The following ABCA4 variants were observed in gnomAD, a reference collection of about 807,000 sequenced individuals.
ABCA4 encodes the protein ATP binding cassette subfamily A member 4, also known as retinal-specific phospholipid-transporting ATPase ABCA4.
Under a neutral mutation model 263.7 loss-of-function variants are expected in ABCA4, and 196 were observed. The ratio of observed to expected loss-of-function variants is 0.74; its 90% CI spans 0.66 to 0.84. The LOEUF (loss-of-function observed/expected upper bound fraction) is 0.84. ABCA4 is among the 40% of genes least tolerant of loss of function. ABCA4 has a pLI of 0.00. For synonymous variants in ABCA4, 1,133 were observed against 1,094.2 expected, an observed-to-expected ratio of 1.04 and a Z score of -0.70; for missense variants, 2,792 against 2,855.1, an observed-to-expected ratio of 0.98 and a Z score of 0.50.
Position 93,997,931 on chromosome 1 carries a change from T to C in ABCA4, c.6659A>G (p.Gln2220Arg), listed in dbSNP as rs1403697239. 6.2e-7 allele frequency: 1 copy of C among 1,614,030 alleles called. No individual in the cohort carries two copies. The highest frequency in any genetic ancestry group is 1.7e-4 in the Middle Eastern group (1 of 6,060). The change falls in exon 48 of 50, where the codon CAG (glutamine) becomes CGG (arginine). Residue 2220 changes from glutamine to arginine, a missense_variant. Transcript: ENST00000370225. The stretch of plus-strand genomic sequence containing the variant: ...GCTGTCCTTGTGGGAGAGGAGGAGC[T>C]GGAAGATCCTCGCCAGGGAGGAGGA... ...VSSSSLARIF[Q>R]LLLSHKDSLL...
intron 11 of ABCA4, among the ~76,000 whole-genome samples, chr1:94,066,367 TC>T (rs1354316179): frequency 6.6e-6 from 1 of 152,268 alleles, no homozygotes; most frequent in African/African-American, 2.4e-5. Context: ...AGTCAAATAA[TC>T]TTTTTTTATT....
chr1:94,071,454 T>C (rs1661396968), intron 11 of ABCA4, among the ~76,000 whole-genome samples: 1 of 152,228 alleles, frequency 6.6e-6, no homozygotes, highest in African/African-American at 2.4e-5. Context: ...CCTATTAATG[T>C]GGGCTGCATA....
intron 6 of ABCA4, among the ~76,000 whole-genome samples, chr1:94,088,217 T>C (rs1012460364): frequency 2.6e-4 from 39 of 152,206 alleles, no homozygotes; most frequent in African/African-American, 8.2e-4. Flanking sequence ...TTTCTCAACA[T>C]TTTGATCATG....
Position 94,037,231 on chromosome 1 carries a change from A to G in ABCA4, c.3727T>C (p.Tyr1243His), listed in dbSNP as rs1036812400. 2.5e-6 allele frequency: 4 copies of G among 1,614,112 alleles called. No individual in the cohort carries two copies. The Admixed American group carries it at 5.0e-5, about 20-fold the overall frequency. ...LPNKNFKHRAYASLFRELEET... is the reference protein window; with the variant it reads ...LPNKNFKHRAHASLFRELEET... ...TCCAGCTCTCTGAAAAGGCTGGCAT[A>G]TGCTCTGTGCTTGAAGTTCTTATTT... The change falls in exon 25 of 50, where the codon TAT (tyrosine) becomes CAT (histidine). Residue 1243 changes from tyrosine to histidine, a missense_variant. Physicochemically the swap from Tyr to His is moderately conservative, Grantham distance 83. Transcript: ENST00000370225.
At chr1:94,063,469 G>A (rs1014541513) in intron 11 of ABCA4, 152 bp from the exon 12 acceptor site, 1 of 816,720 alleles carries the variant, frequency 1.2e-6, no homozygotes, top group East Asian at 2.6e-5. Context: ...TAACTCCAGA[G>A]TCTGGTGTTA....
At chr1:94,019,801 G>C in intron 35 of ABCA4, 42 bp from the exon 36 acceptor site, 1 of 1,586,996 alleles carries the variant, frequency 6.3e-7, no homozygotes, top group South Asian at 1.1e-5. Flanking sequence ...CGATGAAGAG[G>C]GAAGAGCAGA....
chr1:94,097,920 T>G (rs4847277), intron 6 of ABCA4, among the ~76,000 whole-genome samples: 83,755 of 151,834 alleles, frequency 0.55, 23,803 homozygotes, highest in African/African-American at 0.69. Flanking sequence ...TGGCTAATTT[T>G]TGTGTGTGTG....
intron 36 of ABCA4, among the ~76,000 whole-genome samples, chr1:94,017,608 G>A (rs1026829739): frequency 2.4e-4 from 36 of 152,190 alleles, no homozygotes; most frequent in Admixed American, 2.3e-3. Context: ...TGGGGTGTGA[G>A]GATTAGGTGG....
rs182245640 is a variant in ABCA4, at chr1:94,080,835, T to C, written c.859-117A>G. On this transcript the variant is annotated intron_variant, in intron 7 of 49. Transcript: ENST00000370225. ...ACATTTAAAAGAAAACATCCATATA[T>C]TCTCAGCAATCCTTAATCCAGCTGC... 4.4e-4 allele frequency: 636 copies of C among 1,450,750 alleles called. 1 individual carries two copies. The African/African-American group carries it at 8.3e-3, about 19-fold the overall frequency. 89.9% of individuals were successfully genotyped at this position (1,450,750 alleles called of 1,614,324 possible). A position where few individuals can be genotyped will look rare whatever the true frequency, so the allele number is the denominator to read the frequency against.
intron 8 of ABCA4, among the ~76,000 whole-genome samples, chr1:94,079,728 G>A (rs1193522458): frequency 1.3e-5 from 2 of 152,178 alleles, no homozygotes; most frequent in Non-Finnish European, 2.9e-5. Flanking sequence ...AGGAGGCTGA[G>A]AAGCCTGCCT....
chr1:94,032,753 T>C (rs568108741), intron 26 of ABCA4, among the ~76,000 whole-genome samples: 1 of 152,282 alleles, frequency 6.6e-6, no homozygotes, highest in Admixed American at 6.5e-5. Flanking sequence ...AAAGAAAAAC[T>C]GACATCTTAT....
At chr1:94,080,358 T>C in intron 8 of ABCA4, 120 bp downstream of exon 8, 2 of 1,408,824 alleles carry the variant, frequency 1.4e-6, no homozygotes, top group South Asian at 2.3e-5. Flanking sequence ...TCTCTTTACC[T>C]AAGGCCACTC....
chr1:94,040,740 T>C (rs991942962), intron 23 of ABCA4, among the ~76,000 whole-genome samples: 1 of 152,186 alleles, frequency 6.6e-6, no homozygotes, highest in East Asian at 1.9e-4. Flanking sequence ...AAACTGGGTC[T>C]CCTGATGTGC....
At chr1:94,079,074 T>C (rs1280012190) in intron 9 of ABCA4, among the ~76,000 whole-genome samples, 2 of 152,164 alleles carry the variant, frequency 1.3e-5, no homozygotes, top group Non-Finnish European at 2.9e-5. Context: ...ATTAGGGATA[T>C]AATTCAAGCA....
rs1662200741 is a variant in ABCA4, at chr1:94,098,689, A to C, written c.768+105T>G. The stretch of plus-strand genomic sequence containing the variant: ...CTGGGAGCCTGGAGCTTTTGCAAGG[A>C]TTGTCCAGAACACCAGGCTCACGCC... On this transcript the variant is annotated intron_variant, in intron 6 of 49. Transcript: ENST00000370225. 13 of 1,337,320 alleles carry C rather than the reference A, an allele frequency of 9.7e-6. No homozygotes were observed. The South Asian group carries it at 1.5e-4, about 15-fold the overall frequency. 82.8% of individuals were successfully genotyped at this position (1,337,320 alleles called of 1,614,324 possible).
chr1:93,997,832 C>T, intron 48 of ABCA4, 29 bp downstream of exon 48: 1 of 1,613,636 alleles, frequency 6.2e-7, no homozygotes, highest in Non-Finnish European at 8.5e-7. Context: ...AGTCTTTGCT[C>T]AGCTCTCGGT....
intron 13 of ABCA4, 94 bp downstream of exon 13, chr1:94,062,483 C>T (rs1661153130): frequency 1.3e-6 from 2 of 1,498,720 alleles, no homozygotes; most frequent in South Asian, 2.4e-5. Flanking sequence ...TCTCTAAAGA[C>T]ATGGAAGCCT....
chr1:94,005,008 T>C (rs929286122), intron 44 of ABCA4, among the ~76,000 whole-genome samples: 1 of 152,272 alleles, frequency 6.6e-6, no homozygotes, highest in Non-Finnish European at 1.5e-5. Flanking sequence ...TTCTTTTTTA[T>C]AGTTGCGTAA....
At chr1:94,091,579 TCACACACACA>T (rs35529737) in intron 6 of ABCA4, among the ~76,000 whole-genome samples, 8,693 of 143,752 alleles carry the variant, frequency 0.06, 331 homozygotes, top group Non-Finnish European at 0.084. Context: ...AAACATCATC[TCACACACACA>T]CACACACACA....
Sources: gnomAD v4.1 joint callset for allele counts (sites outside exome capture counted in the v4.1 genomes callset) on GRCh38, gnomAD v4.1.1 for gene constraint, MANE v1.5 for transcripts, NCBI Gene and HGNC (gene_info 2026-07-23, HGNC 2026-07-21) for gene names.